Variants in CTNND2 observed in about 807,000 individuals in gnomAD.
CTNND2 encodes catenin delta-2.
A neutral mutation model predicts 144.4 loss-of-function variants in CTNND2; 22 were observed. The ratio of observed to expected loss-of-function variants is 0.15; its 90% CI spans 0.11 to 0.22. The LOEUF is 0.22. CTNND2 is among the 10% of genes least tolerant of loss of function. The pLI is 1.00. For synonymous variants in CTNND2, 751 were observed against 695.6 expected (o/e 1.08, Z -1.25); for missense variants, 1,353 against 1,618.8 (o/e 0.84, Z 2.82).
chr5:11,842,232 G>A (rs1394708080), intron 1 of CTNND2, among the ~76,000 whole-genome samples: 1 of 152,136 alleles, frequency 6.6e-6, no homozygotes, highest in Non-Finnish European at 1.5e-5. Flanking sequence ...GATCACTTAA[G>A]GGGAGGCAGC....
chr5:11,371,303 T>C (rs1235943679), intron 7 of CTNND2, among the ~76,000 whole-genome samples: 1 of 152,240 alleles, frequency 6.6e-6, no homozygotes, highest in Non-Finnish European at 1.5e-5. Flanking sequence ...GATATCAGCA[T>C]ATAAACACTT....
At chr5:11,278,877 C>T (rs1175334058) in intron 9 of CTNND2, among the ~76,000 whole-genome samples, 1 of 152,092 alleles carries the variant, frequency 6.6e-6, no homozygotes, top group African/African-American at 2.4e-5. Flanking sequence ...TGTCTCTTTC[C>T]ACAATTCTCC....
Position 11,622,874 on chromosome 5 carries a change from T to A in CTNND2, c.175-57818A>T, listed in dbSNP as rs577487075. Reference sequence around the variant, plus strand: ...TTAATTTCAGAATGATTAAAACAACTGTTTTACCCCTTAAGCATGTAAGAT... The same window carrying A: ...TTAATTTCAGAATGATTAAAACAACAGTTTTACCCCTTAAGCATGTAAGAT... On this transcript the variant is annotated intron_variant, in intron 2 of 21. Transcript: ENST00000304623. Among the ~76,000 whole-genome samples the A allele has an allele frequency of 3.3e-5, 5 of 152,308 alleles. No homozygotes were observed. The South Asian group carries it at 1.0e-3, about 32-fold the overall frequency.
chr5:11,629,204 C>G (rs889218483), intron 2 of CTNND2, among the ~76,000 whole-genome samples: 10 of 152,084 alleles, frequency 6.6e-5, no homozygotes, highest in Non-Finnish European at 1.0e-4. Context: ...GTATATCAAG[C>G]ATTTCTTAGT....
At chr5:11,857,435 G>T (rs1795302829) in intron 1 of CTNND2, among the ~76,000 whole-genome samples, 1 of 152,172 alleles carries the variant, frequency 6.6e-6, no homozygotes, top group Non-Finnish European at 1.5e-5. Flanking sequence ...AGCAGGCCGT[G>T]GTAAAGATGA....
At position 11,385,175 on chromosome 5, in the gene CTNND2, G is replaced by C. The variant is rs1758951814; in HGVS notation, c.667C>G (p.Pro223Ala). 1 of 1,036,692 alleles carries C rather than the reference G, an allele frequency of 9.6e-7. No individual in the cohort carries two copies. Among genetic ancestry groups the C allele is most frequent in the Non-Finnish European group, 1.2e-6 (1 of 865,560 alleles). The allele number at this position is 1,036,692 out of a possible 1,614,324, so 64.2% of individuals were successfully genotyped here. A position where few individuals can be genotyped will look rare whatever the true frequency, so the allele number is the denominator to read the frequency against. ...LAGPEPAPPPPPPPREPFAPS... is the reference protein window; with the variant it reads ...LAGPEPAPPPAPPPREPFAPS... ...GCGAACGGCTCCCGCGGCGGCGGCG[G>C]CGGCGGCGGCGCGGGCTCGGGCCCC... is the stretch of plus-strand genomic sequence containing the variant. The change falls in exon 7 of 22, where the codon CCG (proline) becomes GCG (alanine). Residue 223 changes from proline to alanine, a missense_variant. Coordinates refer to ENST00000304623, the MANE Select transcript of CTNND2 (RefSeq NM_001332.4).
chr5:11,804,634 C>T (rs1791892556), intron 1 of CTNND2, among the ~76,000 whole-genome samples: 2 of 151,918 alleles, frequency 1.3e-5, no homozygotes, highest in South Asian at 4.1e-4. Context: ...GTATGGTATT[C>T]TAGAATAGGA....
At chr5:11,875,179 C>T (rs1582045497) in intron 1 of CTNND2, among the ~76,000 whole-genome samples, 1 of 152,122 alleles carries the variant, frequency 6.6e-6, no homozygotes, top group Non-Finnish European at 1.5e-5. Flanking sequence ...CTGGTAGAAA[C>T]CTTTGTTGTT....
At chr5:11,104,947 G>T (rs1353184042) in intron 14 of CTNND2, among the ~76,000 whole-genome samples, 1 of 152,228 alleles carries the variant, frequency 6.6e-6, no homozygotes, top group African/African-American at 2.4e-5. Flanking sequence ...CCTGTGGGGG[G>T]CCACGGGGCC....
chr5:11,863,717 C>T (rs548186995), intron 1 of CTNND2, among the ~76,000 whole-genome samples: 5 of 152,314 alleles, frequency 3.3e-5, no homozygotes, highest in African/African-American at 1.2e-4. Flanking sequence ...CAAAGTACCA[C>T]TTCTGTCCAA....
chr5:11,499,843 A>G (rs1011633192), intron 3 of CTNND2, among the ~76,000 whole-genome samples: 8 of 152,006 alleles, frequency 5.3e-5, no homozygotes, highest in African/African-American at 1.9e-4. Context: ...CTTTTTATTG[A>G]TTTGTGATAA....
intron 3 of CTNND2, among the ~76,000 whole-genome samples, chr5:11,416,745 T>C: frequency 6.6e-6 from 1 of 152,236 alleles, no homozygotes; most frequent in East Asian, 1.9e-4. Context: ...AGAAACGTCA[T>C]TTTTGAAGGT....
At chr5:11,655,613 T>C (rs570851817) in intron 2 of CTNND2, among the ~76,000 whole-genome samples, 14 of 152,270 alleles carry the variant, frequency 9.2e-5, no homozygotes, top group Admixed American at 1.3e-4. Flanking sequence ...AAGAAGTCCA[T>C]ACATTGTTCA....
chr5:11,857,556 T>C (rs578078634), intron 1 of CTNND2, among the ~76,000 whole-genome samples: 54 of 152,300 alleles, frequency 3.5e-4, no homozygotes, highest in African/African-American at 1.3e-3. Context: ...GCAAATCTTG[T>C]CATTTGGAGC....
chr5:11,401,565 AGAT>A (rs1760652680), intron 5 of CTNND2, among the ~76,000 whole-genome samples: 1 of 152,206 alleles, frequency 6.6e-6, no homozygotes, highest in South Asian at 2.1e-4. Flanking sequence ...ATGATGACAA[AGAT>A]GATGATGACA....
At chr5:11,097,763 T>C (rs973269676) in intron 15 of CTNND2, among the ~76,000 whole-genome samples, 4 of 152,174 alleles carry the variant, frequency 2.6e-5, no homozygotes, top group East Asian at 1.9e-4. Flanking sequence ...AAAGGAGTGA[T>C]TGATGAATAT....
chr5:11,440,812 C>T (rs1764194455), intron 3 of CTNND2, among the ~76,000 whole-genome samples: 1 of 152,140 alleles, frequency 6.6e-6, no homozygotes, highest in Admixed American at 6.5e-5. Context: ...ATTTAACTTT[C>T]AGATGGCATG....
rs1004429523 is a variant in CTNND2 at position 11,903,675 on chromosome 5, G to A, written c.37+142C>T. ...ACCTGGCGCGATCGCGGTCCTCCCC[G>A]AGGCAGGCAGAAACCCCGCAGCAGC... On this transcript the variant is annotated intron_variant, in intron 1 of 21. Transcript: ENST00000304623. The surrounding 1 kb of genome is among the most constrained non-coding windows in gnomAD (Gnocchi z 5.4). 5.6e-6 allele frequency: 5 copies of A among 899,864 alleles called. No individual in the cohort carries two copies. The highest frequency in any genetic ancestry group is 5.4e-5 in the African/African-American group (3 of 55,874). 55.7% of individuals were successfully genotyped at this position (899,864 alleles called of 1,614,324 possible).
At chr5:11,047,778 C>T (rs1745423214) in intron 16 of CTNND2, among the ~76,000 whole-genome samples, 1 of 152,234 alleles carries the variant, frequency 6.6e-6, no homozygotes, top group South Asian at 2.1e-4. Flanking sequence ...AGGTAAAATA[C>T]CAGCTCTTGG....
Sources: gnomAD v4.1 joint callset for allele counts (sites outside exome capture counted in the v4.1 genomes callset) on GRCh38, gnomAD v4.1.1 for gene constraint, Gnocchi (gnomAD v3.1) non-coding constraint, MANE v1.5 for transcripts, NCBI Gene and HGNC (gene_info 2026-07-23, HGNC 2026-07-21) for gene names.